RAB23: variants seen among roughly 807,000 people sequenced by gnomAD.
The protein encoded by RAB23 is RAB23, member RAS oncogene family.
RAB23 carries 15 observed loss-of-function variants against 30.0 expected under a neutral mutation model. The ratio of observed to expected loss-of-function variants is 0.50; its 90% CI spans 0.33 to 0.77. RAB23 has a LOEUF of 0.77. Among genes scored for constraint, RAB23 ranks in the 30% least tolerant of loss-of-function variants. The pLI is 0.02. For missense variants in RAB23, 243 were observed against 275.4 expected (o/e 0.88, Z 0.83); for synonymous variants, 93 against 94.0 (o/e 0.99, Z 0.06).
intron 3 of RAB23, among the ~76,000 whole-genome samples, chr6:57,203,870 G>C (rs1264522727): frequency 6.6e-6 from 1 of 152,180 alleles, no homozygotes; most frequent in East Asian, 1.9e-4. Flanking sequence ...CTGTGGACGG[G>C]AAGCCTTAAA....
rs1205890908 is a variant in RAB23, at chr6:57,193,954, C to A, written c.482-20G>T. On this transcript the variant is annotated intron_variant, in intron 5 of 6. Transcript: ENST00000468148. ...TAAAAACTAGAATAAAAAGAAAACA[C>A]CCAGAACCAGGTCAATGATTTATGC... The A allele has an allele frequency of 1.2e-6, 2 of 1,606,048 alleles. No homozygotes were observed. The highest frequency in any genetic ancestry group is 2.7e-5 in the African/African-American group (2 of 74,652).
chr6:57,191,152 G>C (rs1764824919), intron 6 of RAB23, among the ~76,000 whole-genome samples: 1 of 151,952 alleles, frequency 6.6e-6, no homozygotes, highest in Non-Finnish European at 1.5e-5. Flanking sequence ...TAAAGCTCTT[G>C]TTTTAGTTTT....
At chr6:57,199,163 GTTGCTCCTGCCTATGCTGCA>G (rs1312536798) in intron 3 of RAB23, among the ~76,000 whole-genome samples, 2 of 152,246 alleles carry the variant, frequency 1.3e-5, no homozygotes, top group Non-Finnish European at 2.9e-5. Flanking sequence ...TCCTGTGCCA[GTTGCTCCTGCCTATGCTGCA>G]GGGGGCTCTG....
chr6:57,206,120 T>C lies in RAB23; in HGVS notation c.241+1508A>G, dbSNP rs569358257. ...AGGTGCTCGGATGCAGATTGGTAGA[T>C]AGTCGGGTTTAACTGGGTTGGGCAT... On this transcript the variant is annotated intron_variant, in intron 3 of 6. Coordinates refer to ENST00000468148, the MANE Select transcript of RAB23 (RefSeq NM_016277.5). Among the ~76,000 whole-genome samples the C allele has an allele frequency of 5.3e-4, 81 of 152,342 alleles. 2 individuals carry two copies. The South Asian group carries it at 0.016, about 30-fold the overall frequency.
intron 5 of RAB23, among the ~76,000 whole-genome samples, chr6:57,194,419 A>T (rs1764944441): frequency 6.6e-6 from 1 of 152,094 alleles, no homozygotes; most frequent in African/African-American, 2.4e-5. Context: ...AATACTATTA[A>T]ATAAACTAAC....
chr6:57,217,115 C>T (rs1765869112), intron 1 of RAB23, among the ~76,000 whole-genome samples: 1 of 147,842 alleles, frequency 6.8e-6, no homozygotes, highest in African/African-American at 2.5e-5. Flanking sequence ...AACTAGAAAT[C>T]AATAACAGAA....
intron 6 of RAB23, among the ~76,000 whole-genome samples, chr6:57,191,448 T>G (rs1764837667): frequency 6.6e-6 from 1 of 152,170 alleles, no homozygotes; most frequent in Non-Finnish European, 1.5e-5. Context: ...AATACGATAA[T>G]TTTTATTTAT....
Position 57,188,167 on chromosome 6 carries a change from T to TAAG in RAB23, c.*2291_*2293dup, listed in dbSNP as rs1199484225. ...ATGGTTTCATAAAATTAAAGTTATT[T>TAAG]AAGAGAATGAAGGGTCTTGGAAAAA... On this transcript the variant is annotated 3_prime_UTR_variant, in exon 7 of 7. Transcript: ENST00000468148. The TAAG allele has an allele frequency of 2.0e-5, 3 of 152,150 alleles. No individual in the cohort carries two copies. Among genetic ancestry groups the TAAG allele is most frequent in the African/African-American group, 7.2e-5 (3 of 41,442 alleles). The allele number at this position is 152,150 out of a possible 1,614,324, so 9.4% of individuals were successfully genotyped here. A position where few individuals can be genotyped will look rare whatever the true frequency, so the allele number is the denominator to read the frequency against.
Position 57,193,856 on chromosome 6 carries a change from C to G in RAB23, c.560G>C (p.Ser187Thr), listed in dbSNP as rs1328254676. 3 of 1,612,716 alleles carry G rather than the reference C, an allele frequency of 1.9e-6. No individual in the cohort carries two copies. The highest frequency in any genetic ancestry group is 3.3e-5 in the Admixed American group (2 of 59,958). The change falls in exon 6 of 7, where the codon AGT (serine) becomes ACT (threonine). Residue 187 changes from serine (S) to threonine (T), a missense_variant. Physicochemically the swap from Ser to Thr is moderately conservative, Grantham distance 58 (BLOSUM62 1). Transcript: ENST00000468148. ...TATGTACTTACCAATCTTGTTACTACTTGAATGCGTTAGTTCTGGATCCTC... is the reference window on the plus strand; with the variant it reads ...TATGTACTTACCAATCTTGTTACTAGTTGAATGCGTTAGTTCTGGATCCTC... ...IAEDPELTHSSSNKIGVFNTS... is the reference protein window; with the variant it reads ...IAEDPELTHSTSNKIGVFNTS...
Position 57,194,648 on chromosome 6 carries a change from C to T in RAB23, c.481+122G>A, listed in dbSNP as rs879249411. 5 of 694,654 alleles carry T rather than the reference C, an allele frequency of 7.2e-6. No homozygotes were observed. In the East Asian group the frequency reaches 1.1e-4, roughly 15 times the overall value. 43.0% of individuals were successfully genotyped at this position (694,654 alleles called of 1,614,324 possible). A position where few individuals can be genotyped will look rare whatever the true frequency, so the allele number is the denominator to read the frequency against. ...AGAAGTAGAAAGCCTTTAAATTCTA[C>T]TTAATGTTAGGTGACAAAAAAATCT... On this transcript the variant is annotated intron_variant, in intron 5 of 6. Coordinates refer to ENST00000468148, the MANE Select transcript of RAB23 (RefSeq NM_016277.5).
At chr6:57,194,905 G>T in intron 4 of RAB23, 53 bp from the exon 5 acceptor site, 4 of 1,340,388 alleles carry the variant, frequency 3.0e-6, no homozygotes, top group Admixed American at 1.7e-5. Context: ...CTGATAGCTT[G>T]TTTTTTAAAT....
Position 57,196,508 on chromosome 6 carries a change from T to A in RAB23, c.340A>T (p.Ile114Leu), listed in dbSNP as rs1310101660. Reference sequence around the variant, plus strand: ...TTGTTTTGCACAAGTACAGTTGGTATATCTCCCACTTCGGCTACTACTTTC... The same window carrying A: ...TTGTTTTGCACAAGTACAGTTGGTAAATCTCCCACTTCGGCTACTACTTTC... ...REKVVAEVGDIPTVLVQNKID... is the reference protein window; with the variant it reads ...REKVVAEVGDLPTVLVQNKID... The change falls in exon 4 of 7, where the codon ATA becomes TTA. Residue 114 changes from isoleucine to leucine, a missense_variant. By Grantham distance (5) the Ile-to-Leu change is conservative. Transcript: ENST00000468148. The A allele has an allele frequency of 1.2e-6, 2 of 1,614,052 alleles. No homozygotes were observed. The highest frequency in any genetic ancestry group is 1.7e-6 in the Non-Finnish European group (2 of 1,179,964).
intron 3 of RAB23, among the ~76,000 whole-genome samples, chr6:57,199,791 G>GA (rs147487900): frequency 0.066 from 9,994 of 151,616 alleles, 357 homozygotes; most frequent in East Asian, 0.096. Flanking sequence ...TACTAAAATG[G>GA]AAAAAAAATC....
intron 3 of RAB23, among the ~76,000 whole-genome samples, chr6:57,197,015 G>C (rs1174334612): frequency 6.6e-6 from 1 of 152,174 alleles, no homozygotes; most frequent in East Asian, 1.9e-4. Context: ...AATTCTTCTT[G>C]TTAATTTGCT....
intron 1 of RAB23, among the ~76,000 whole-genome samples, chr6:57,211,613 G>A (rs1765657299): frequency 6.6e-6 from 1 of 152,140 alleles, no homozygotes. Flanking sequence ...TTGTATAATA[G>A]TGTACGACCA....
In RAB23 at chr6:57,193,886, A is replaced by G. The variant is rs746123959; in HGVS notation, c.530T>C (p.Ile177Thr). ...EKYLQKLKQQIAEDPELTHSS... is the reference protein window; with the variant it reads ...EKYLQKLKQQTAEDPELTHSS... ...ATGCGTTAGTTCTGGATCCTCAGCTATTTGTTGTTTGAGTTTCTGAAGGTA... is the reference window on the plus strand; with the variant it reads ...ATGCGTTAGTTCTGGATCCTCAGCTGTTTGTTGTTTGAGTTTCTGAAGGTA... The change falls in exon 6 of 7, where the codon ATA becomes ACA. Residue 177 changes from isoleucine (I) to threonine (T), a missense_variant. Ile to Thr is a moderately conservative substitution (Grantham distance 89). Transcript: ENST00000468148. 1.2e-6 allele frequency: 2 copies of G among 1,612,826 alleles called. No homozygotes were observed. The highest frequency in any genetic ancestry group is 1.7e-5 in the Admixed American group (1 of 59,960).
chr6:57,193,335 T>C (rs1057479032), intron 6 of RAB23, among the ~76,000 whole-genome samples: 3 of 152,168 alleles, frequency 2.0e-5, no homozygotes, highest in African/African-American at 7.2e-5. Context: ...TATACAAGTA[T>C]CAAGATTTAG....
intron 1 of RAB23, among the ~76,000 whole-genome samples, chr6:57,214,093 T>C (rs1029616767): frequency 2.0e-5 from 3 of 151,918 alleles, no homozygotes; most frequent in African/African-American, 7.3e-5. Flanking sequence ...CATCCACCAA[T>C]TCAGTCATCC....
chr6:57,190,919 ATCT>A (rs1437122735), intron 6 of RAB23, among the ~76,000 whole-genome samples: 4 of 152,080 alleles, frequency 2.6e-5, no homozygotes, highest in African/African-American at 9.7e-5. Context: ...CCACCATTCT[ATCT>A]TCTGTCTCTT....
Sources: gnomAD v4.1 joint callset for allele counts (sites outside exome capture counted in the v4.1 genomes callset) on GRCh38, gnomAD v4.1.1 for gene constraint, MANE v1.5 for transcripts, NCBI Gene and HGNC (gene_info 2026-07-23, HGNC 2026-07-21) for gene names.